The following GRIA4 variants were observed in gnomAD, a reference collection of about 807,000 sequenced individuals.
GRIA4 encodes the protein glutamate ionotropic receptor AMPA type subunit 4, also known as glutamate receptor 4.
GRIA4 carries 34 observed loss-of-function variants against 104.0 expected under a neutral mutation model. The ratio of observed to expected loss-of-function variants is 0.33; its 90% CI spans 0.25 to 0.44. The LOEUF (loss-of-function observed/expected upper bound fraction) is 0.44. GRIA4 is among the 20% of genes least tolerant of loss of function. The pLI is 1.00. For missense variants in GRIA4, 750 were observed against 1,096.5 expected (o/e 0.68, Z 4.46); for synonymous variants, 386 against 381.9 (o/e 1.01, Z -0.13).
At chr11:105,768,360 C>T (rs1328150051) in intron 4 of GRIA4, among the ~76,000 whole-genome samples, 1 of 151,866 alleles carries the variant, frequency 6.6e-6, no homozygotes, top group African/African-American at 2.4e-5. Flanking sequence ...AATAGTAGCA[C>T]TTAAAAATTA....
chr11:105,877,249 G>A (rs1945862092), intron 5 of GRIA4, among the ~76,000 whole-genome samples: 1 of 152,146 alleles, frequency 6.6e-6, no homozygotes, highest in Non-Finnish European at 1.5e-5. Context: ...ACTCTCTTCT[G>A]GCTTGTAGGG....
chr11:105,866,551 G>GTGTGTGTATATATATATATA (rs1299256765), intron 5 of GRIA4, among the ~76,000 whole-genome samples: 1 of 76,750 alleles, frequency 1.3e-5, no homozygotes, highest in African/African-American at 6.5e-5. Flanking sequence ...GTGTGTGTGT[G>GTGTGTGTATATATATATATA]TATATATATA....
chr11:105,798,853 G>A (rs1942601139), intron 4 of GRIA4, among the ~76,000 whole-genome samples: 2 of 152,234 alleles, frequency 1.3e-5, no homozygotes, highest in East Asian at 1.9e-4. Context: ...GTCAGGTAGT[G>A]CTCAGGTTTT....
At chr11:105,812,444 C>CT (rs1166930014) in intron 4 of GRIA4, among the ~76,000 whole-genome samples, 7 of 152,138 alleles carry the variant, frequency 4.6e-5, no homozygotes, top group African/African-American at 1.7e-4. Flanking sequence ...TCAGCCACAC[C>CT]TTGATTTGAG....
At chr11:105,894,127 A>G (rs1565322236) in intron 6 of GRIA4, among the ~76,000 whole-genome samples, 1 of 152,200 alleles carries the variant, frequency 6.6e-6, no homozygotes, top group African/African-American at 2.4e-5. Flanking sequence ...TGTGGAAGGT[A>G]TAAGGTTAGA....
intron 3 of GRIA4, among the ~76,000 whole-genome samples, chr11:105,696,042 T>G (rs1330996556): frequency 6.6e-6 from 1 of 152,248 alleles, no homozygotes; most frequent in East Asian, 1.9e-4. Context: ...GAAGAAATCT[T>G]CAATTTCCTG....
chr11:105,968,842 A>G (rs1193025603), intron 14 of GRIA4, among the ~76,000 whole-genome samples: 1 of 152,200 alleles, frequency 6.6e-6, no homozygotes, highest in Admixed American at 6.5e-5. Flanking sequence ...ACTTTGGTTA[A>G]CCTAGTATGG....
At chr11:105,896,808 T>C (rs377751933) in intron 6 of GRIA4, among the ~76,000 whole-genome samples, 2 of 152,210 alleles carry the variant, frequency 1.3e-5, no homozygotes, top group Non-Finnish European at 2.9e-5. Context: ...TTATGGTTAC[T>C]ATAGCCTTAT....
rs188381555 is a variant in GRIA4 at position 105,977,958 on chromosome 11, T to C, written c.2545-1617T>C. On this transcript the variant is annotated intron_variant, in intron 16 of 16. Transcript: ENST00000282499. ...TCAAATGGAATTGAATTGTTTCATT[T>C]CTAACTTTCTCACTGGTGCAGTGAA... is the stretch of plus-strand genomic sequence containing the variant. Among the ~76,000 whole-genome samples the C allele has an allele frequency of 4.6e-3, 696 of 152,214 alleles. 12 individuals are homozygous for C. The highest frequency in any genetic ancestry group is 6.4e-3 in the Non-Finnish European group (434 of 67,910).
intron 4 of GRIA4, among the ~76,000 whole-genome samples, chr11:105,788,658 T>C (rs1942080521): frequency 6.6e-6 from 1 of 152,106 alleles, no homozygotes; most frequent in South Asian, 2.1e-4. Context: ...AACCTAACAC[T>C]GCATGTTCTC....
chr11:105,959,351 T>C (rs1168490925), intron 14 of GRIA4, among the ~76,000 whole-genome samples: 1 of 152,198 alleles, frequency 6.6e-6, no homozygotes, highest in Non-Finnish European at 1.5e-5. Flanking sequence ...TTCAGTAAGG[T>C]AGTCTTCAAA....
At chr11:105,722,646 A>C (rs894451670) in intron 3 of GRIA4, among the ~76,000 whole-genome samples, 4 of 152,028 alleles carry the variant, frequency 2.6e-5, no homozygotes, top group African/African-American at 9.7e-5. Flanking sequence ...TTTCTTTAAT[A>C]CCTTCTCTAC....
chr11:105,744,843 C>G (rs1010539539), intron 3 of GRIA4, among the ~76,000 whole-genome samples: 1 of 152,154 alleles, frequency 6.6e-6, no homozygotes, highest in African/African-American at 2.4e-5. Flanking sequence ...CCCAGTGTAA[C>G]CACATGTTAT....
At chr11:105,681,030 C>G (rs759974925) in intron 3 of GRIA4, among the ~76,000 whole-genome samples, 3 of 152,152 alleles carry the variant, frequency 2.0e-5, no homozygotes, top group Non-Finnish European at 2.9e-5. Flanking sequence ...AATCCAAACT[C>G]CACCCTTATA....
At chr11:105,974,710 C>A in intron 16 of GRIA4, 4 of 666,230 alleles carry the variant, frequency 6.0e-6, no homozygotes, top group Non-Finnish European at 9.9e-6. Context: ...TCTTTGGCTG[C>A]AGATGTACTG....
At chr11:105,895,542 G>A (rs1946621189) in intron 6 of GRIA4, among the ~76,000 whole-genome samples, 1 of 148,950 alleles carries the variant, frequency 6.7e-6, no homozygotes, top group South Asian at 2.2e-4. Flanking sequence ...ATAGATAATG[G>A]ACAGATATAG....
chr11:105,713,942 T>A (rs927012686), intron 3 of GRIA4, among the ~76,000 whole-genome samples: 3 of 152,152 alleles, frequency 2.0e-5, no homozygotes, highest in African/African-American at 4.8e-5. Context: ...GGCTCTTCAG[T>A]GAGTACAGCT....
At chr11:105,703,892 A>G (rs1953595946) in intron 3 of GRIA4, among the ~76,000 whole-genome samples, 1 of 152,040 alleles carries the variant, frequency 6.6e-6, no homozygotes, top group African/African-American at 2.4e-5. Context: ...AAGTGCTGGA[A>G]ATGAGTTTCT....
intron 4 of GRIA4, among the ~76,000 whole-genome samples, chr11:105,785,915 G>A (rs1941941345): frequency 6.6e-6 from 1 of 152,018 alleles, no homozygotes; most frequent in African/African-American, 2.4e-5. Flanking sequence ...GGAGGTCAAG[G>A]AGGGTGGATC....
Sources: allele counts gnomAD v4.1 joint callset (sites outside exome capture counted in the v4.1 genomes callset), GRCh38; gene constraint gnomAD v4.1.1; transcripts MANE v1.5; gene names NCBI Gene and HGNC (gene_info 2026-07-23, HGNC 2026-07-21).